Variants in FER1L6 observed in about 807,000 individuals in gnomAD.
FER1L6 encodes fer-1-like protein 6.
FER1L6 carries 177 observed loss-of-function variants against 219.2 expected under a neutral mutation model. The observed-to-expected ratio is 0.81, with a 90% CI of 0.71 to 0.91. The LOEUF (loss-of-function observed/expected upper bound fraction) is 0.91. Among genes scored for constraint, FER1L6 ranks in the 40% least tolerant of loss-of-function variants. The pLI, the probability that FER1L6 is intolerant of heterozygous loss-of-function variation, is 0.00. For synonymous variants in FER1L6, 768 were observed against 824.3 expected (o/e 0.93, Z 1.17); for missense variants, 2,153 against 2,259.9 (o/e 0.95, Z 0.96).
At chr8:123,980,430 C>A (rs543694654) in intron 10 of FER1L6, 35 bp from the exon 11 acceptor site, 12 of 1,515,612 alleles carry the variant, frequency 7.9e-6, no homozygotes, top group Non-Finnish European at 1.1e-5. Context: ...AAAGCAAAAA[C>A]ATAATGAGAT....
rs926327750 is a variant in FER1L6, at chr8:123,852,655, A to C, written c.-8+470A>C. On this transcript the variant is annotated intron_variant, in intron 1 of 40. Transcript: ENST00000522917. This position sits in a 1 kb window ranked among gnomAD's most constrained non-coding sequence, Gnocchi z 4.9. ...CAAGATTGTTAGACTTTTAAAACAT[A>C]AATTTTTATTTTACAGAAAAGTTGC... Among the ~76,000 whole-genome samples the C allele has an allele frequency of 6.6e-6, 1 of 152,156 alleles. No individual in the cohort carries two copies. Among genetic ancestry groups the C allele is most frequent in the South Asian group, 2.1e-4 (1 of 4,820 alleles).
chr8:123,974,659 CAAAAAAAAAAAAAAA>C (rs994690186), intron 7 of FER1L6, among the ~76,000 whole-genome samples: 1 of 47,802 alleles, frequency 2.1e-5, no homozygotes, highest in East Asian at 5.4e-4. Context: ...GACTCTGTCT[CAAAAAAAAAAAAAAA>C]AAAAAAAAGA....
intron 21 of FER1L6, chr8:124,046,535 T>C (rs1033497695): frequency 6.6e-6 from 1 of 152,232 alleles, no homozygotes; most frequent in African/African-American, 2.4e-5. Flanking sequence ...AATTAGGTAG[T>C]CTAAAATGAA....
intron 1 of FER1L6, among the ~76,000 whole-genome samples, chr8:123,876,765 G>A (rs1196010895): frequency 6.6e-6 from 1 of 152,116 alleles, no homozygotes. Flanking sequence ...ATAAGTGTAT[G>A]TTTATGATCT....
chr8:123,974,721 A>G (rs983635408), intron 7 of FER1L6, among the ~76,000 whole-genome samples: 5 of 150,946 alleles, frequency 3.3e-5, no homozygotes, highest in Non-Finnish European at 7.4e-5. Context: ...TACCATTTTT[A>G]AAGAAAAGCC....
At chr8:123,879,037 G>C (rs1586435890) in intron 1 of FER1L6, among the ~76,000 whole-genome samples, 1 of 152,152 alleles carries the variant, frequency 6.6e-6, no homozygotes, top group East Asian at 1.9e-4. Flanking sequence ...TAACCGCAAG[G>C]ATCAAGGAAG....
In FER1L6 at chr8:123,900,618, A is replaced by G. The variant is rs79258017; in HGVS notation, c.-8+48433A>G. Among the ~76,000 whole-genome samples, 740 of 152,214 alleles carry G rather than the reference A, an allele frequency of 4.9e-3. 5 individuals carry two copies. Among genetic ancestry groups the G allele is most frequent in the African/African-American group, 0.016 (684 of 41,552 alleles). ...AGTATTGTGTTGGCTTATCAATAAT[A>G]TGTGTCATAATATGTGGGTTTGTCA... On this transcript the variant is annotated intron_variant, in intron 1 of 40. Coordinates refer to ENST00000522917, the MANE Select transcript of FER1L6 (RefSeq NM_001039112.2).
chr8:124,090,249 C>G (rs1228265562), intron 33 of FER1L6, among the ~76,000 whole-genome samples: 1 of 152,184 alleles, frequency 6.6e-6, no homozygotes, highest in Admixed American at 6.5e-5. Flanking sequence ...GCCTAGAGAG[C>G]CTGTTTAGTT....
intron 1 of FER1L6, among the ~76,000 whole-genome samples, chr8:123,955,085 C>T (rs1814955978): frequency 6.6e-6 from 1 of 152,124 alleles, no homozygotes; most frequent in Non-Finnish European, 1.5e-5. Context: ...CTGTCAGAGA[C>T]CATGGACTAG....
chr8:124,087,299 T>C lies in FER1L6; in HGVS notation c.4392-4124T>C, dbSNP rs1821824880. Reference sequence around the variant, plus strand: ...TCTTTGTTTGTTTCCTCTGACTGTGTATTTTCAAATAGTCTATCTTCAAGC... The same window carrying C: ...TCTTTGTTTGTTTCCTCTGACTGTGCATTTTCAAATAGTCTATCTTCAAGC... On this transcript the variant is annotated intron_variant, in intron 33 of 40. Transcript: ENST00000522917. 2.0e-5 allele frequency among the ~76,000 whole-genome samples: 3 copies of C among 152,120 alleles called. No homozygotes were observed. In the South Asian group the frequency reaches 6.2e-4, roughly 31 times the overall value.
At chr8:124,043,383 C>T (rs994334693) in intron 20 of FER1L6, among the ~76,000 whole-genome samples, 1 of 152,210 alleles carries the variant, frequency 6.6e-6, no homozygotes, top group African/African-American at 2.4e-5. Context: ...TAAAGCTATA[C>T]TCTGTCCATG....
In FER1L6 at chr8:124,023,533, C is replaced by T. The variant is rs761608536; in HGVS notation, c.2223C>T (p.Leu741=). 6.2e-7 allele frequency: 1 copy of T among 1,614,226 alleles called. No individual in the cohort carries two copies. Among genetic ancestry groups the T allele is most frequent in the Non-Finnish European group, 8.5e-7 (1 of 1,180,032 alleles). ...AYARIASKDL[L]YSPVAGQMGK... ...CCCGCATCGCCTCCAAAGACCTCCT[C>T]TATTCCCCTGTCGCGGGGCAGATGG... The change falls in exon 18 of 41, where the codon CTC becomes CTT. Residue 741 remains leucine (L), a synonymous_variant. Transcript: ENST00000522917.
intron 1 of FER1L6, among the ~76,000 whole-genome samples, chr8:123,859,467 C>T (rs915379334): frequency 1.3e-5 from 2 of 151,878 alleles, no homozygotes; most frequent in African/African-American, 2.4e-5. Context: ...ACTTTCTACA[C>T]TATGATCCAT....
At position 124,014,643 on chromosome 8, in the gene FER1L6, G is replaced by A. The variant is rs193208658; in HGVS notation, c.1922+1112G>A. The stretch of plus-strand genomic sequence containing the variant: ...GGCCTTGCAATTTTCAAAGCACTCA[G>A]TATTTTGGGGAATTGTTTTCTGTGT... On this transcript the variant is annotated intron_variant, in intron 15 of 40. Transcript: ENST00000522917. 7.8e-4 allele frequency among the ~76,000 whole-genome samples: 119 copies of A among 152,302 alleles called. 2 individuals carry two copies. Among genetic ancestry groups the A allele is most frequent in the Non-Finnish European group, 1.5e-4 (10 of 68,022 alleles).
chr8:124,010,535 TG>T, intron 13 of FER1L6, 58 bp from the exon 14 acceptor site: 2 of 1,598,674 alleles, frequency 1.3e-6, no homozygotes, highest in Non-Finnish European at 1.7e-6. Flanking sequence ...AACGTGTGAC[TG>T]GGGTTGCCTG....
At chr8:123,951,525 A>G (rs1814767468) in intron 1 of FER1L6, among the ~76,000 whole-genome samples, 1 of 152,170 alleles carries the variant, frequency 6.6e-6, no homozygotes, top group Non-Finnish European at 1.5e-5. Context: ...CCAGTCTTAG[A>G]AAGATGAGGA....
intron 1 of FER1L6, among the ~76,000 whole-genome samples, chr8:123,899,836 T>C (rs1033877283): frequency 6.6e-6 from 1 of 152,228 alleles, no homozygotes; most frequent in African/African-American, 2.4e-5. Flanking sequence ...GAGTTCTCTA[T>C]TCTGTTCCAT....
At chr8:124,045,487 A>G (rs4871455) in intron 20 of FER1L6, among the ~76,000 whole-genome samples, 76,140 of 152,094 alleles carry the variant, frequency 0.5, 19,080 homozygotes, top group Middle Eastern at 0.55. Flanking sequence ...GTGAGGACTG[A>G]GCTGAAAGTA....
intron 33 of FER1L6, among the ~76,000 whole-genome samples, chr8:124,086,926 A>G (rs1821810058): frequency 1.3e-5 from 2 of 152,094 alleles, no homozygotes; most frequent in South Asian, 4.1e-4. Context: ...CTCCTGGCCT[A>G]TAAGGTTTCC....
Sources: allele counts gnomAD v4.1 joint callset (sites outside exome capture counted in the v4.1 genomes callset), GRCh38; gene constraint gnomAD v4.1.1; non-coding constraint Gnocchi (gnomAD v3.1); transcripts MANE v1.5; gene names NCBI Gene and HGNC (gene_info 2026-07-23, HGNC 2026-07-21).